Variants in GRM7 observed in about 807,000 individuals in gnomAD.
GRM7 encodes the protein glutamate metabotropic receptor 7, also known as metabotropic glutamate receptor 7.
A neutral mutation model predicts 84.5 loss-of-function variants in GRM7; 35 were observed. The observed-to-expected ratio is 0.41, with a 90% confidence interval of 0.32 to 0.55. The LOEUF (loss-of-function observed/expected upper bound fraction) is 0.55. Ranked by LOEUF, GRM7 falls within the 20% of genes least tolerant of loss-of-function variation. The pLI, the probability that GRM7 is intolerant of heterozygous loss-of-function variation, is 0.19. For missense variants in GRM7, 1,003 were observed against 1,194.6 expected (o/e 0.84, Z 2.36); for synonymous variants, 487 against 455.1 (o/e 1.07, Z -0.89).
intron 4 of GRM7, 39 bp from the exon 5 acceptor site, chr3:7,414,984 G>T: frequency 6.5e-7 from 1 of 1,549,058 alleles, no homozygotes; most frequent in Non-Finnish European, 8.8e-7. Context: ...TGCCAGCAGT[G>T]CCCCGCAAGC....
intron 2 of GRM7, among the ~76,000 whole-genome samples, chr3:7,183,798 T>C (rs1321601921): frequency 6.6e-6 from 1 of 152,200 alleles, no homozygotes; most frequent in African/African-American, 2.4e-5. Flanking sequence ...TCATAAATAC[T>C]ATTCCAGATA....
rs1283300639 is a variant in GRM7 at position 7,067,139 on chromosome 3, C to T, written c.520-79313C>T. Among the ~76,000 whole-genome samples, 4 of 151,928 alleles carry T rather than the reference C, an allele frequency of 2.6e-5. No individual in the cohort carries two copies. In the East Asian group the frequency reaches 7.8e-4, roughly 30 times the overall value. ...ACAAGGATGCCCACTCTCACCGCTCCTCTTCAACATAGTACTGGAAGTCCT... is the reference window on the plus strand; with the variant it reads ...ACAAGGATGCCCACTCTCACCGCTCTTCTTCAACATAGTACTGGAAGTCCT... On this transcript the variant is annotated intron_variant, in intron 1 of 9. Transcript: ENST00000357716.
At chr3:6,969,478 C>G (rs1457657803) in intron 1 of GRM7, among the ~76,000 whole-genome samples, 1 of 152,170 alleles carries the variant, frequency 6.6e-6, no homozygotes, top group African/African-American at 2.4e-5. Context: ...AGATTTGAAT[C>G]CAACTCTACT....
intron 2 of GRM7, among the ~76,000 whole-genome samples, chr3:7,171,892 A>G (rs1448237137): frequency 2.0e-5 from 3 of 152,320 alleles, no homozygotes; most frequent in Non-Finnish European, 2.9e-5. Flanking sequence ...CATTCTCTCT[A>G]CAGCTTCCCC....
intron 1 of GRM7, among the ~76,000 whole-genome samples, chr3:6,921,879 G>A (rs924064695): frequency 1.3e-5 from 2 of 152,100 alleles, no homozygotes; most frequent in African/African-American, 4.8e-5. Context: ...AAGCTAATAT[G>A]ATTTACTCAG....
intron 1 of GRM7, among the ~76,000 whole-genome samples, chr3:6,981,485 G>A (rs953050963): frequency 4.6e-5 from 7 of 152,124 alleles, no homozygotes; most frequent in Admixed American, 4.6e-4. Flanking sequence ...GTATCCAGAG[G>A]CTGATGTTGG....
intron 4 of GRM7, among the ~76,000 whole-genome samples, chr3:7,367,938 CA>C (rs56856057): frequency 0.44 from 55,794 of 125,816 alleles, 11,043 homozygotes; most frequent in East Asian, 0.61. Context: ...CATTAATCCT[CA>C]AAAAAAAAAA....
chr3:7,693,800 G>T (rs188066120), intron 9 of GRM7: 1 of 649,564 alleles, frequency 1.5e-6, no homozygotes, highest in Non-Finnish European at 2.7e-6. Context: ...GAGTTTAGTC[G>T]GGGGTAGTTC....
At chr3:7,676,605 C>T (rs1700132904) in intron 8 of GRM7, among the ~76,000 whole-genome samples, 1 of 152,160 alleles carries the variant, frequency 6.6e-6, no homozygotes, top group East Asian at 1.9e-4. Flanking sequence ...ATTACAGGCA[C>T]CCGCCACCAC....
intron 1 of GRM7, among the ~76,000 whole-genome samples, chr3:7,028,843 G>C (rs1696076350): frequency 6.6e-6 from 1 of 152,108 alleles, no homozygotes; most frequent in South Asian, 2.1e-4. Context: ...GATGTGCTAA[G>C]AAAAATGTAT....
At chr3:7,254,373 T>G (rs1698122123) in intron 2 of GRM7, among the ~76,000 whole-genome samples, 2 of 152,192 alleles carry the variant, frequency 1.3e-5, no homozygotes, top group South Asian at 4.1e-4. Flanking sequence ...GCAGAGAACT[T>G]TATCTCTCCT....
chr3:7,019,347 C>T (rs1420403734), intron 1 of GRM7, among the ~76,000 whole-genome samples: 2 of 152,170 alleles, frequency 1.3e-5, no homozygotes, highest in East Asian at 1.9e-4. Flanking sequence ...TGGTGTCATA[C>T]ATTCTATAGG....
intron 4 of GRM7, 34 bp from the exon 5 acceptor site, chr3:7,414,989 G>A (rs778300220): frequency 1.2e-5 from 19 of 1,566,906 alleles, no homozygotes; most frequent in East Asian, 6.9e-5. Flanking sequence ...GCAGTGCCCC[G>A]CAAGCAATGA....
At chr3:7,208,830 G>A (rs1043119687) in intron 2 of GRM7, among the ~76,000 whole-genome samples, 1 of 152,118 alleles carries the variant, frequency 6.6e-6, no homozygotes, top group Non-Finnish European at 1.5e-5. Context: ...ATATGATCCT[G>A]GATAGAATTT....
chr3:7,546,311 C>T (rs1485983601), intron 7 of GRM7, among the ~76,000 whole-genome samples: 1 of 152,140 alleles, frequency 6.6e-6, no homozygotes, highest in Admixed American at 6.5e-5. Flanking sequence ...TCCATCTATC[C>T]CTCCCTCAGG....
At chr3:7,125,137 G>C (rs1165921431) in intron 1 of GRM7, among the ~76,000 whole-genome samples, 1 of 151,960 alleles carries the variant, frequency 6.6e-6, no homozygotes, top group African/African-American at 2.4e-5. Context: ...ATGGGGTTTC[G>C]CCTTGTTGGC....
Position 7,679,250 on chromosome 3 carries a change from T to C in GRM7, c.2452-799T>C, listed in dbSNP as rs551138914. On this transcript the variant is annotated intron_variant, in intron 8 of 9. Coordinates refer to ENST00000357716, the MANE Select transcript of GRM7 (RefSeq NM_000844.4). ...TCTGTGATTGAATGAGTACAGTTCA[T>C]TCATGATCTAAAGGACAGCCCAAAT... 9.3e-4 allele frequency among the ~76,000 whole-genome samples: 141 copies of C among 152,258 alleles called. 2 individuals carry two copies. In the South Asian group the frequency reaches 0.027, roughly 29 times the overall value.
intron 4 of GRM7, among the ~76,000 whole-genome samples, chr3:7,359,448 C>T (rs1444769448): frequency 1.4e-5 from 2 of 145,000 alleles, no homozygotes; most frequent in South Asian, 4.3e-4. Context: ...GATTCTCCTG[C>T]CTCAGTCTCC....
At chr3:7,436,587 G>A (rs960562344) in intron 5 of GRM7, among the ~76,000 whole-genome samples, 72 of 152,080 alleles carry the variant, frequency 4.7e-4, no homozygotes, top group African/African-American at 1.6e-3. Context: ...CAAAAGATAC[G>A]GGATGTGGCT....
Sources: gnomAD v4.1 joint callset for allele counts (sites outside exome capture counted in the v4.1 genomes callset) on GRCh38, gnomAD v4.1.1 for gene constraint, MANE v1.5 for transcripts, NCBI Gene and HGNC (gene_info 2026-07-23, HGNC 2026-07-21) for gene names.